The following LUZP2 variants were observed in gnomAD, a reference collection of about 807,000 sequenced individuals.
LUZP2 encodes leucine zipper protein 2.
Under a neutral mutation model 51.6 loss-of-function variants are expected in LUZP2, and 52 were observed. The observed-to-expected ratio is 1.01, with a 90% CI of 0.81 to 1.27. The LOEUF (loss-of-function observed/expected upper bound fraction) is 1.27, where lower values mean the gene tolerates loss of function less well. Among genes scored for constraint, LUZP2 ranks in the 50% most tolerant of loss-of-function variants. The probability of loss-of-function intolerance (pLI) is 0.00; values close to 1 mark genes in which losing one functional copy is unlikely to be tolerated. For synonymous variants in LUZP2, 154 were observed against 137.3 expected (o/e 1.12, Z -0.85); for missense variants, 436 against 395.4 (o/e 1.10, Z -0.87).
At chr11:24,958,544 A>T (rs1590773904) in intron 7 of LUZP2, among the ~76,000 whole-genome samples, 1 of 152,072 alleles carries the variant, frequency 6.6e-6, no homozygotes, top group Admixed American at 6.6e-5. Context: ...GGCTGCATAA[A>T]TGTCTTCTTT....
intron 10 of LUZP2, among the ~76,000 whole-genome samples, chr11:25,058,712 G>C (rs956708704): frequency 1.3e-5 from 2 of 152,158 alleles, no homozygotes; most frequent in Admixed American, 6.6e-5. Flanking sequence ...GCACCTGCTT[G>C]GGGGACATTG....
chr11:24,892,346 C>T (rs1309150750), intron 5 of LUZP2: 16 of 985,156 alleles, frequency 1.6e-5, no homozygotes, highest in Non-Finnish European at 1.9e-5. Context: ...TTCAAATTAG[C>T]CACCACTGGA....
chr11:24,704,240 G>C (rs996891165), intron 1 of LUZP2, among the ~76,000 whole-genome samples: 1 of 152,010 alleles, frequency 6.6e-6, no homozygotes, highest in Non-Finnish European at 1.5e-5. Flanking sequence ...GTCATTTTTG[G>C]ACAAGCACAG....
intron 9 of LUZP2, among the ~76,000 whole-genome samples, chr11:24,997,626 A>G (rs924068570): frequency 2.6e-5 from 4 of 151,990 alleles, no homozygotes; most frequent in African/African-American, 9.7e-5. Flanking sequence ...TAGTTTAATT[A>G]GATCCCATTT....
chr11:24,693,005 C>T (rs534078498), intron 1 of LUZP2, among the ~76,000 whole-genome samples: 2 of 151,642 alleles, frequency 1.3e-5, no homozygotes, highest in East Asian at 1.9e-4. Context: ...CAAAATGAGC[C>T]TAGATTATAT....
intron 4 of LUZP2, among the ~76,000 whole-genome samples, chr11:24,746,819 C>A (rs1859399899): frequency 6.6e-6 from 1 of 152,084 alleles, no homozygotes; most frequent in Non-Finnish European, 1.5e-5. Flanking sequence ...CTCTGGATTT[C>A]TTTCTTCTAC....
intron 1 of LUZP2, among the ~76,000 whole-genome samples, chr11:24,551,150 A>T (rs1010963879): frequency 2.0e-5 from 3 of 152,098 alleles, no homozygotes; most frequent in Non-Finnish European, 1.5e-5. Flanking sequence ...GGAAACTATA[A>T]CATATGTTAA....
At chr11:24,820,597 TA>T (rs1850327990) in intron 5 of LUZP2, among the ~76,000 whole-genome samples, 1 of 152,084 alleles carries the variant, frequency 6.6e-6, no homozygotes, top group Non-Finnish European at 1.5e-5. Flanking sequence ...TAAATGTAGA[TA>T]ACTGACAGTA....
chr11:24,557,650 C>T (rs1851911697), intron 1 of LUZP2, among the ~76,000 whole-genome samples: 1 of 152,096 alleles, frequency 6.6e-6, no homozygotes, highest in Non-Finnish European at 1.5e-5. Context: ...AATGTTGCCA[C>T]TTTATTTTAT....
intron 1 of LUZP2, among the ~76,000 whole-genome samples, chr11:24,513,359 C>T (rs1590122045): frequency 6.6e-6 from 1 of 152,144 alleles, no homozygotes; most frequent in Non-Finnish European, 1.5e-5. Flanking sequence ...GATGGTTAGC[C>T]TTCATCCTTT....
chr11:24,643,933 G>A (rs1398537980), intron 1 of LUZP2, among the ~76,000 whole-genome samples: 1 of 152,116 alleles, frequency 6.6e-6, no homozygotes, highest in Non-Finnish European at 1.5e-5. Flanking sequence ...ATGTAATGAT[G>A]TTGATACAAC....
intron 9 of LUZP2, among the ~76,000 whole-genome samples, chr11:25,018,126 T>C (rs1857216589): frequency 1.3e-5 from 2 of 151,412 alleles, no homozygotes; most frequent in Non-Finnish European, 2.9e-5. Context: ...TGGTTGTTGG[T>C]ATATGGCATT....
intron 1 of LUZP2, among the ~76,000 whole-genome samples, chr11:24,706,875 T>G: frequency 6.6e-6 from 1 of 152,032 alleles, no homozygotes; most frequent in Non-Finnish European, 1.5e-5. Context: ...AGGGAACCTC[T>G]CTCTTCTCCT....
At chr11:24,649,533 A>G (rs1213023630) in intron 1 of LUZP2, among the ~76,000 whole-genome samples, 1 of 151,984 alleles carries the variant, frequency 6.6e-6, no homozygotes. Flanking sequence ...CAAAGTTGTC[A>G]GTGAAGCACT....
intron 5 of LUZP2, among the ~76,000 whole-genome samples, chr11:24,780,609 T>C (rs1213954565): frequency 6.6e-6 from 1 of 152,120 alleles, no homozygotes; most frequent in Non-Finnish European, 1.5e-5. Context: ...ATGATGATGA[T>C]GATCGTAATA....
At chr11:25,029,676 G>T (rs1316486125) in intron 9 of LUZP2, among the ~76,000 whole-genome samples, 1 of 149,438 alleles carries the variant, frequency 6.7e-6, no homozygotes, top group Non-Finnish European at 1.5e-5. Flanking sequence ...GGCGGAGGTT[G>T]CAATGAGCCA....
At chr11:24,872,375 C>T (rs1852107890) in intron 5 of LUZP2, among the ~76,000 whole-genome samples, 1 of 152,132 alleles carries the variant, frequency 6.6e-6, no homozygotes, top group Admixed American at 6.6e-5. Flanking sequence ...TATTTGCTTG[C>T]TCTATTTGCT....
At chr11:24,512,079 G>A (rs996162629) in intron 1 of LUZP2, among the ~76,000 whole-genome samples, 1 of 152,182 alleles carries the variant, frequency 6.6e-6, no homozygotes, top group Non-Finnish European at 1.5e-5. Flanking sequence ...AACTGGGAGA[G>A]GGATGCCATG....
intron 9 of LUZP2, among the ~76,000 whole-genome samples, chr11:25,005,575 A>T (rs779995771): frequency 6.6e-6 from 1 of 152,016 alleles, no homozygotes; most frequent in Non-Finnish European, 1.5e-5. Flanking sequence ...GAACCTGTTG[A>T]TGCCTGTTTC....
Sources: gnomAD v4.1 joint callset for allele counts (sites outside exome capture counted in the v4.1 genomes callset) on GRCh38, gnomAD v4.1.1 for gene constraint, MANE v1.5 for transcripts, NCBI Gene and HGNC (gene_info 2026-07-23, HGNC 2026-07-21) for gene names.